Variants in IMMP2L observed in about 807,000 individuals in gnomAD.
IMMP2L encodes the protein inner mitochondrial membrane peptidase subunit 2, also known as mitochondrial inner membrane protease subunit 2.
In IMMP2L, 18 loss-of-function variants were observed where a neutral mutation model predicts 19.3. The ratio of observed to expected loss-of-function variants is 0.93; its 90% CI spans 0.64 to 1.38. IMMP2L has a LOEUF of 1.38. IMMP2L is among the 40% of genes most tolerant of loss of function. The pLI is 0.00. For missense variants in IMMP2L, 233 were observed against 218.2 expected (o/e 1.07, Z -0.43); for synonymous variants, 76 against 73.0 (o/e 1.04, Z -0.21).
intron 3 of IMMP2L, among the ~76,000 whole-genome samples, chr7:111,334,293 C>T (rs1826177901): frequency 6.6e-6 from 1 of 151,908 alleles, no homozygotes; most frequent in South Asian, 2.1e-4. Context: ...TTTTAGCTCC[C>T]ACATGAATGT....
intron 3 of IMMP2L, among the ~76,000 whole-genome samples, chr7:111,146,184 T>C (rs993538074): frequency 6.7e-6 from 1 of 149,702 alleles, no homozygotes; most frequent in Admixed American, 6.7e-5. Flanking sequence ...AATAGATGGA[T>C]CTGTGCTGTT....
chr7:111,531,286 TC>T (rs1248839857), intron 1 of IMMP2L, among the ~76,000 whole-genome samples: 2 of 151,470 alleles, frequency 1.3e-5, no homozygotes, highest in Admixed American at 1.3e-4. Flanking sequence ...TTAGTTGTTT[TC>T]TTTTTTTTTT....
intron 3 of IMMP2L, among the ~76,000 whole-genome samples, chr7:111,460,549 T>G (rs1232852425): frequency 6.6e-6 from 1 of 152,098 alleles, no homozygotes; most frequent in African/African-American, 2.4e-5. Context: ...GTCTTTTTTT[T>G]TAAGTGGTTA....
chr7:110,786,168 A>G (rs1287733084), intron 5 of IMMP2L, among the ~76,000 whole-genome samples: 2 of 152,024 alleles, frequency 1.3e-5, no homozygotes, highest in East Asian at 3.9e-4. Context: ...CTTCATATAA[A>G]GAAATTAGTT....
intron 3 of IMMP2L, among the ~76,000 whole-genome samples, chr7:111,305,392 G>A (rs1259449623): frequency 3.9e-5 from 6 of 152,206 alleles, no homozygotes; most frequent in Non-Finnish European, 5.9e-5. Flanking sequence ...GCAGTGGCGC[G>A]ATCTCAGCTC....
At chr7:111,416,451 G>C (rs752364048) in intron 3 of IMMP2L, among the ~76,000 whole-genome samples, 5 of 151,806 alleles carry the variant, frequency 3.3e-5, no homozygotes, top group Non-Finnish European at 5.9e-5. Context: ...AATCTGGTTT[G>C]AACCACTAGA....
chr7:111,108,757 C>T (rs977640617), intron 3 of IMMP2L, among the ~76,000 whole-genome samples: 3 of 152,184 alleles, frequency 2.0e-5, no homozygotes, highest in Admixed American at 6.5e-5. Flanking sequence ...TGCATACAAA[C>T]CACATGAGTC....
intron 3 of IMMP2L, among the ~76,000 whole-genome samples, chr7:111,144,593 C>G (rs144225092): frequency 6.6e-6 from 1 of 151,978 alleles, no homozygotes; most frequent in South Asian, 2.1e-4. Context: ...AAAATACTTA[C>G]GCTTATTTAA....
chr7:111,300,566 A>T (rs767831518), intron 3 of IMMP2L, among the ~76,000 whole-genome samples: 1 of 152,172 alleles, frequency 6.6e-6, no homozygotes, highest in South Asian at 2.1e-4. Context: ...CAATTCCATC[A>T]CCACAAGGAT....
In IMMP2L at chr7:111,385,945, G is replaced by T. The variant is rs37670; in HGVS notation, c.239+101293C>A. 3.0e-3 allele frequency among the ~76,000 whole-genome samples: 453 copies of T among 151,724 alleles called. 1 individual carries two copies. Among genetic ancestry groups the T allele is most frequent in the African/African-American group, 0.01 (422 of 41,368 alleles). On this transcript the variant is annotated intron_variant, in intron 3 of 5. Coordinates refer to ENST00000405709, the MANE Select transcript of IMMP2L (RefSeq NM_032549.4). ...GAATTTTTTTTTTTAATAGAGGCAG[G>T]GTCTTACTCTGTCACCCAGGCTGGA...
At chr7:111,392,806 A>C (rs1832492569) in intron 3 of IMMP2L, 8 of 456,580 alleles carry the variant, frequency 1.8e-5, no homozygotes, top group Non-Finnish European at 3.1e-5. Flanking sequence ...ACTTACCATT[A>C]CTGGTGCATT....
chr7:111,392,109 T>C (rs1832415171), intron 3 of IMMP2L: 1 of 638,806 alleles, frequency 1.6e-6, no homozygotes, highest in South Asian at 1.8e-5. Context: ...CTTTGGCTAT[T>C]AGCGACCCAA....
intron 3 of IMMP2L, among the ~76,000 whole-genome samples, chr7:110,987,795 T>C (rs972748207): frequency 2.0e-5 from 3 of 152,162 alleles, no homozygotes; most frequent in African/African-American, 7.2e-5. Flanking sequence ...GCAACATGGC[T>C]CTATGATTTA....
At chr7:111,189,770 C>T (rs1283136579) in intron 3 of IMMP2L, among the ~76,000 whole-genome samples, 5 of 152,070 alleles carry the variant, frequency 3.3e-5, no homozygotes, top group Non-Finnish European at 7.4e-5. Context: ...TTCTCTACCT[C>T]CAACCCACCC....
At chr7:110,907,048 G>C (rs1316297125) in intron 4 of IMMP2L, among the ~76,000 whole-genome samples, 2 of 152,110 alleles carry the variant, frequency 1.3e-5, no homozygotes, top group African/African-American at 4.8e-5. Flanking sequence ...CATTAGGCAA[G>C]GGCAGTGGGG....
intron 3 of IMMP2L, among the ~76,000 whole-genome samples, chr7:111,218,792 G>A (rs1421370508): frequency 6.6e-6 from 1 of 152,006 alleles, no homozygotes; most frequent in African/African-American, 2.4e-5. Context: ...GACATCAGTG[G>A]AAATTACTTT....
rs11427623 is a variant in IMMP2L at position 111,243,514 on chromosome 7, A to ATT, written c.239+243722_239+243723dup. ...TCAACTCTATATTTCTTGTTGCTTT[A>ATT]TTTTTTTTTTTTTTATTATACTCTA... On this transcript the variant is annotated intron_variant, in intron 3 of 5. Coordinates refer to ENST00000405709, the MANE Select transcript of IMMP2L (RefSeq NM_032549.4). Among the ~76,000 whole-genome samples, 1,151 of 141,656 alleles carry ATT rather than the reference A, an allele frequency of 8.1e-3. 6 individuals carry two copies. The highest frequency in any genetic ancestry group is 0.012 in the African/African-American group (473 of 38,646). The allele number at this position is 141,656 out of a possible 152,430, so 92.9% of individuals were successfully genotyped here.
intron 3 of IMMP2L, among the ~76,000 whole-genome samples, chr7:110,978,420 C>A (rs547488001): frequency 6.6e-6 from 1 of 151,944 alleles, no homozygotes; most frequent in Admixed American, 6.6e-5. Flanking sequence ...GGAACTGAGA[C>A]CAGGACTATG....
intron 5 of IMMP2L, among the ~76,000 whole-genome samples, chr7:110,883,559 T>C (rs900829142): frequency 5.3e-5 from 8 of 152,142 alleles, no homozygotes; most frequent in Non-Finnish European, 5.9e-5. Flanking sequence ...CTCTGAATTA[T>C]TCAGTTATGT....
Sources: gnomAD v4.1 joint callset for allele counts (sites outside exome capture counted in the v4.1 genomes callset) on GRCh38, gnomAD v4.1.1 for gene constraint, MANE v1.5 for transcripts, NCBI Gene and HGNC (gene_info 2026-07-23, HGNC 2026-07-21) for gene names.